The following RYR1 variants were observed in gnomAD, a reference collection of about 807,000 sequenced individuals.
The protein encoded by RYR1 is central core disease of muscle.
RYR1 carries 342 observed loss-of-function variants against 583.5 expected under a neutral mutation model. The observed-to-expected ratio is 0.59, with a 90% CI of 0.54 to 0.64. The LOEUF (loss-of-function observed/expected upper bound fraction) is 0.64. Among genes scored for constraint, RYR1 ranks in the 30% least tolerant of loss-of-function variants. The pLI is 0.00. For missense variants in RYR1, 6,032 were observed against 6,917.2 expected (o/e 0.87, Z 4.54); for synonymous variants, 2,791 against 2,822.5 (o/e 0.99, Z 0.35).
intron 54 of RYR1, 37 bp from the exon 55 acceptor site, chr19:38,506,266 C>T: frequency 6.2e-7 from 1 of 1,603,306 alleles, no homozygotes; most frequent in Non-Finnish European, 8.5e-7. Flanking sequence ...CCTGCTAGCC[C>T]ATCAGCCCAC....
At position 38,453,862 on chromosome 19, in the gene RYR1, G is replaced by A. The variant is rs182296563; in HGVS notation, c.1440+848G>A. ...AGGGCAGAGAGGTGACGAGGGCCAG[G>A]CCTTGGTGAGGACTTTGGCTTTGGG... On this transcript the variant is annotated intron_variant, in intron 13 of 105. Transcript: ENST00000359596. Among the ~76,000 whole-genome samples the A allele has an allele frequency of 1.2e-4, 19 of 152,148 alleles. No individual in the cohort carries two copies. The East Asian group carries it at 3.5e-3, about 28-fold the overall frequency.
chr19:38,505,933 C>T lies in RYR1; in HGVS notation c.8528C>T (p.Ser2843Leu). The T allele has an allele frequency of 6.2e-7, 1 of 1,613,060 alleles. No homozygotes were observed. Among genetic ancestry groups the T allele is most frequent in the Non-Finnish European group, 8.5e-7 (1 of 1,179,950 alleles). Residue 2843 changes from serine to leucine, a missense_variant, in exon 54 of 106, where the codon TCA becomes TTA. Physicochemically the swap from Ser to Leu is moderately radical, Grantham distance 145 (BLOSUM62 -2). Coordinates refer to ENST00000359596, the MANE Select transcript of RYR1 (RefSeq NM_000540.3). The part of the protein sequence containing the change: ...KTEKKKTRKI[S>L]QSAQTYDPRE... ...GAAAAGAAAAAAACGCGGAAGATAT[C>T]ACAAAGTGCCCAGGTGAAGGCGGGG...
intron 69 of RYR1, 168 bp downstream of exon 69, chr19:38,523,477 T>C (rs1025724736): frequency 2.9e-6 from 2 of 697,120 alleles, no homozygotes; most frequent in Non-Finnish European, 5.1e-6. Flanking sequence ...CCCCAGCTCC[T>C]TCCTCCTCCT....
intron 96 of RYR1, among the ~76,000 whole-genome samples, chr19:38,575,524 C>T (rs1170638426): frequency 6.8e-6 from 1 of 146,094 alleles, no homozygotes; most frequent in African/African-American, 2.6e-5. Flanking sequence ...ATTAGCCGGG[C>T]GTGGTGGTGG....
At chr19:38,581,270 G>C (rs1291947362) in intron 101 of RYR1, among the ~76,000 whole-genome samples, 1 of 152,122 alleles carries the variant, frequency 6.6e-6, no homozygotes, top group African/African-American at 2.4e-5. Context: ...GTAGAGCCGG[G>C]GTTTCACCAT....
chr19:38,441,880 A>G (rs180979682), intron 2 of RYR1, among the ~76,000 whole-genome samples: 15 of 151,828 alleles, frequency 9.9e-5, no homozygotes, highest in East Asian at 1.9e-4. Context: ...AGGTGTTTGA[A>G]GGAAAAGGCA....
At chr19:38,463,128 C>T (rs1336182863) in intron 20 of RYR1, among the ~76,000 whole-genome samples, 1 of 131,506 alleles carries the variant, frequency 7.6e-6, no homozygotes, top group Non-Finnish European at 1.6e-5. Context: ...GAACTCCTGA[C>T]CTCAGGCGAT....
intron 13 of RYR1, among the ~76,000 whole-genome samples, chr19:38,453,576 G>T (rs1429991661): frequency 2.0e-5 from 3 of 151,820 alleles, no homozygotes; most frequent in Non-Finnish European, 2.9e-5. Context: ...GGCGGGGAGA[G>T]ACAGGAGATC....
Position 38,504,309 on chromosome 19 carries a change from G to C in RYR1, c.8016G>C (p.Leu2672=), listed in dbSNP as rs1451060659. The C allele has an allele frequency of 1.2e-6, 2 of 1,614,170 alleles. No individual in the cohort carries two copies. Among genetic ancestry groups the C allele is most frequent in the Non-Finnish European group, 1.7e-6 (2 of 1,180,034 alleles). ...ANFGVTSEEE[L]HLTRKLFWGI... ...TCGGGGTCACCTCAGAGGAGGAGCT[G>C]CACCTCACACGGAAACTCTTCTGGG... The change falls in exon 50 of 106, where the codon CTG becomes CTC. Residue 2672 remains leucine, a synonymous_variant. Transcript: ENST00000359596.
At chr19:38,442,932 G>A (rs1180317554) in intron 3 of RYR1, among the ~76,000 whole-genome samples, 1 of 152,180 alleles carries the variant, frequency 6.6e-6, no homozygotes. Flanking sequence ...TGGTCCAGGA[G>A]TGGGTCCACC....
chr19:38,481,428 GCAC>G (rs1311318239), intron 31 of RYR1, among the ~76,000 whole-genome samples: 1 of 152,150 alleles, frequency 6.6e-6, no homozygotes, highest in Non-Finnish European at 1.5e-5. Flanking sequence ...TTACAGGTGT[GCAC>G]CACCACGCTC....
Position 38,448,304 on chromosome 19 carries a change from A to G in RYR1, c.801-51A>G, listed in dbSNP as rs376008934. The G allele has an allele frequency of 3.8e-6, 6 of 1,583,608 alleles. No individual in the cohort carries two copies. In the African/African-American group the frequency reaches 5.4e-5, roughly 14 times the overall value. On this transcript the variant is annotated intron_variant, in intron 9 of 105. Transcript: ENST00000359596. ...AAAAGAAGAAAAGACTGTAATGTCCATGGGAGAACTGGGGGGTCCTCTGAC... is the reference window on the plus strand; with the variant it reads ...AAAAGAAGAAAAGACTGTAATGTCCGTGGGAGAACTGGGGGGTCCTCTGAC...
Position 38,444,385 on chromosome 19 carries a change from T to A in RYR1, c.537+124T>A, listed in dbSNP as rs1320899053. On this transcript the variant is annotated intron_variant, in intron 6 of 105. Coordinates refer to ENST00000359596, the MANE Select transcript of RYR1 (RefSeq NM_000540.3). The surrounding 1 kb of genome is among the most constrained non-coding windows in gnomAD (Gnocchi z 5.1). ...AGGTCCTGACTCCCAATTTCCCATT[T>A]CCTGACCCCTGACATCCAATTTTCT... The A allele has an allele frequency of 1.1e-6, 1 of 906,752 alleles. No homozygotes were observed. The allele number at this position is 906,752 out of a possible 1,614,324, so 56.2% of individuals were successfully genotyped here.
At chr19:38,519,123 G>A (rs1429246377) in intron 66 of RYR1, 91 bp from the exon 67 acceptor site, 9 of 1,603,282 alleles carry the variant, frequency 5.6e-6, no homozygotes, top group African/African-American at 1.3e-5. Flanking sequence ...CTGCTAGGTT[G>A]GAGATGCTGT....
At chr19:38,545,897 C>G (rs761807925) in intron 87 of RYR1, among the ~76,000 whole-genome samples, 2 of 152,156 alleles carry the variant, frequency 1.3e-5, no homozygotes, top group Non-Finnish European at 2.9e-5. Context: ...AAATAGGGGC[C>G]ATGAGGCAAA....
At chr19:38,445,858 C>T (rs572420261) in intron 7 of RYR1, among the ~76,000 whole-genome samples, 14 of 148,624 alleles carry the variant, frequency 9.4e-5, no homozygotes, top group South Asian at 8.4e-4. Context: ...GGCATGATGG[C>T]GGGCGGCTGT....
Position 38,448,295 on chromosome 19 carries a change from G to C in RYR1, c.801-60G>C, listed in dbSNP as rs1966893497. The stretch of plus-strand genomic sequence containing the variant: ...AAAAAAAGAAAAAGAAGAAAAGACT[G>C]TAATGTCCATGGGAGAACTGGGGGG... On this transcript the variant is annotated intron_variant, in intron 9 of 105. Coordinates refer to ENST00000359596, the MANE Select transcript of RYR1 (RefSeq NM_000540.3). 5 of 1,552,120 alleles carry C rather than the reference G, an allele frequency of 3.2e-6. No homozygotes were observed. The East Asian group carries it at 1.1e-4, about 35-fold the overall frequency.
At chr19:38,508,313 G>A (rs1037964548) in intron 58 of RYR1, among the ~76,000 whole-genome samples, 3 of 152,036 alleles carry the variant, frequency 2.0e-5, no homozygotes, top group Admixed American at 6.5e-5. Context: ...GGTTTCAAGC[G>A]ATTCTCCTGC....
intron 17 of RYR1, 104 bp downstream of exon 17, chr19:38,457,734 C>A: frequency 8.2e-7 from 1 of 1,224,150 alleles, no homozygotes. Context: ...ATCTCCCACC[C>A]CAGGGTTAAC....
Sources: allele counts gnomAD v4.1 joint callset (sites outside exome capture counted in the v4.1 genomes callset), GRCh38; gene constraint gnomAD v4.1.1; non-coding constraint Gnocchi (gnomAD v3.1); transcripts MANE v1.5; gene names NCBI Gene and HGNC (gene_info 2026-07-23, HGNC 2026-07-21).